The following IQCJ variants were observed in gnomAD, a reference collection of about 807,000 sequenced individuals.
The protein encoded by IQCJ is IQ motif containing J.
IQCJ carries 9 observed loss-of-function variants against 11.0 expected under a neutral mutation model. The ratio of observed to expected loss-of-function variants is 0.82; its 90% CI spans 0.49 to 1.43. The LOEUF (loss-of-function observed/expected upper bound fraction) is 1.43. Among genes scored for constraint, IQCJ ranks in the 40% most tolerant of loss-of-function variants. IQCJ has a pLI of 0.00. For synonymous variants in IQCJ, 55 were observed against 51.3 expected, an observed-to-expected ratio of 1.07 and a Z score of -0.31; for missense variants, 146 against 133.2, an observed-to-expected ratio of 1.10 and a Z score of -0.47.
chr3:159,224,729 A>G (rs1300921213), intron 1 of IQCJ, among the ~76,000 whole-genome samples: 1 of 140,380 alleles, frequency 7.1e-6, no homozygotes, highest in African/African-American at 2.5e-5. Flanking sequence ...GAACTTCACC[A>G]TGAGCATACA....
chr3:159,109,527 T>TTA (rs371645158), intron 1 of IQCJ, among the ~76,000 whole-genome samples: 1 of 122,702 alleles, frequency 8.1e-6, no homozygotes, highest in Non-Finnish European at 1.7e-5. Context: ...TTGTATTAAC[T>TTA]AAAAAAAAAA....
intron 1 of IQCJ, among the ~76,000 whole-genome samples, chr3:159,202,022 C>G (rs1478629671): frequency 2.0e-5 from 3 of 152,136 alleles, no homozygotes; most frequent in Non-Finnish European, 4.4e-5. Context: ...CTGGTTTCCT[C>G]TAACTAGTAT....
chr3:159,178,323 C>T (rs1423232019), intron 1 of IQCJ, among the ~76,000 whole-genome samples: 2 of 152,038 alleles, frequency 1.3e-5, no homozygotes, highest in Non-Finnish European at 2.9e-5. Context: ...TTGATGGTTC[C>T]GTATAGGCTT....
At chr3:159,144,295 A>G (rs1488283843) in intron 1 of IQCJ, among the ~76,000 whole-genome samples, 1 of 152,182 alleles carries the variant, frequency 6.6e-6, no homozygotes, top group East Asian at 1.9e-4. Context: ...TACTATCCTT[A>G]TGCAATATAG....
chr3:159,204,198 T>A (rs1422202971), intron 1 of IQCJ, among the ~76,000 whole-genome samples: 1 of 152,184 alleles, frequency 6.6e-6, no homozygotes, highest in Non-Finnish European at 1.5e-5. Flanking sequence ...TATCTCACAG[T>A]TTTGTGCACT....
At chr3:159,183,496 C>A (rs1235722840) in intron 1 of IQCJ, among the ~76,000 whole-genome samples, 1 of 152,098 alleles carries the variant, frequency 6.6e-6, no homozygotes, top group Non-Finnish European at 1.5e-5. Context: ...TTGCCAATGA[C>A]TTCCCCATTT....
intron 1 of IQCJ, among the ~76,000 whole-genome samples, chr3:159,084,498 C>T (rs1283775819): frequency 6.6e-6 from 1 of 152,096 alleles, no homozygotes; most frequent in Non-Finnish European, 1.5e-5. Flanking sequence ...ACATAATTGA[C>T]CTATCACTGT....
At chr3:159,127,108 C>T (rs1033342404) in intron 1 of IQCJ, among the ~76,000 whole-genome samples, 3 of 152,200 alleles carry the variant, frequency 2.0e-5, no homozygotes, top group African/African-American at 7.2e-5. Flanking sequence ...AATTTCATAA[C>T]AAGGAATTCC....
chr3:159,243,626 G>A (rs1727067370), intron 1 of IQCJ, among the ~76,000 whole-genome samples: 1 of 152,142 alleles, frequency 6.6e-6, no homozygotes, highest in African/African-American at 2.4e-5. Context: ...ATTGTAAAGG[G>A]GAACAAAGGA....
chr3:159,192,315 G>T (rs963985218), intron 1 of IQCJ, among the ~76,000 whole-genome samples: 4 of 152,030 alleles, frequency 2.6e-5, no homozygotes, highest in Admixed American at 1.3e-4. Context: ...TGGGGTGGAG[G>T]GCAGTTTTTC....
intron 1 of IQCJ, among the ~76,000 whole-genome samples, chr3:159,136,936 G>T (rs1310204881): frequency 6.6e-6 from 1 of 152,190 alleles, no homozygotes; most frequent in Non-Finnish European, 1.5e-5. Flanking sequence ...ATGGTTCTGT[G>T]TCGGGTGATG....
chr3:159,092,693 A>G (rs1266782638), intron 1 of IQCJ, among the ~76,000 whole-genome samples: 1 of 65,184 alleles, frequency 1.5e-5, no homozygotes, highest in Non-Finnish European at 2.7e-5. Flanking sequence ...GTGAGACTCC[A>G]TCACAAACAC....
intron 1 of IQCJ, among the ~76,000 whole-genome samples, chr3:159,171,467 G>C (rs1198152903): frequency 6.6e-6 from 1 of 152,104 alleles, no homozygotes; most frequent in Non-Finnish European, 1.5e-5. Flanking sequence ...AAGATTCTGG[G>C]GTAGGGCCTG....
At chr3:159,202,410 C>G (rs1317938202) in intron 1 of IQCJ, among the ~76,000 whole-genome samples, 1 of 152,178 alleles carries the variant, frequency 6.6e-6, no homozygotes, top group African/African-American at 2.4e-5. Flanking sequence ...AATTTAATAG[C>G]AAGTTCCTCA....
intron 1 of IQCJ, among the ~76,000 whole-genome samples, chr3:159,245,558 T>C (rs1309429154): frequency 6.7e-6 from 1 of 148,712 alleles, no homozygotes; most frequent in East Asian, 2.0e-4. Context: ...GCCTCCTGGG[T>C]TCACGCCATT....
intron 1 of IQCJ, among the ~76,000 whole-genome samples, chr3:159,101,578 C>G (rs1332947401): frequency 6.6e-6 from 1 of 152,232 alleles, no homozygotes; most frequent in Non-Finnish European, 1.5e-5. Flanking sequence ...TGTTCATTGA[C>G]ATCTTCTCTG....
Position 159,094,448 on chromosome 3 carries a change from T to A in IQCJ, c.9+25007T>A, listed in dbSNP as rs551611755. 4.1e-3 allele frequency among the ~76,000 whole-genome samples: 428 copies of A among 104,348 alleles called. 7 individuals are homozygous for A. The highest frequency in any genetic ancestry group is 0.014 in the African/African-American group (363 of 25,102). 68.5% of individuals were successfully genotyped at this position (104,348 alleles called of 152,430 possible). A position where few individuals can be genotyped will look rare whatever the true frequency, so the allele number is the denominator to read the frequency against. On this transcript the variant is annotated intron_variant, in intron 1 of 3. Transcript: ENST00000397832. ...TTTTTTTTTTTTTTTTTTTTTTTTT[T>A]ACTATTGGAAGTTTTAAATATATGT...
downstream of IQCJ, chr3:159,265,617 C>T (rs1473360165): frequency 4.4e-6 from 2 of 450,396 alleles, no homozygotes; most frequent in African/African-American, 1.9e-5. Context: ...GTTGTTGAAC[C>T]TCAGCCCTCT....
chr3:159,255,227 C>A (rs1279084025), intron 3 of IQCJ, among the ~76,000 whole-genome samples: 1 of 152,154 alleles, frequency 6.6e-6, no homozygotes, highest in Non-Finnish European at 1.5e-5. Context: ...AAGTGAGGGT[C>A]AGTCCACCAT....
Sources: gnomAD v4.1 joint callset for allele counts (sites outside exome capture counted in the v4.1 genomes callset) on GRCh38, gnomAD v4.1.1 for gene constraint, MANE v1.5 for transcripts, NCBI Gene and HGNC (gene_info 2026-07-23, HGNC 2026-07-21) for gene names.